The following BAZ1A variants were observed in gnomAD, a reference collection of about 807,000 sequenced individuals.
BAZ1A encodes the protein bromodomain adjacent to zinc finger domain 1A.
Under a neutral mutation model 185.2 loss-of-function variants are expected in BAZ1A, and 50 were observed. The ratio of observed to expected loss-of-function variants is 0.27; its 90% CI spans 0.22 to 0.34. The LOEUF is 0.34. Ranked by LOEUF, BAZ1A falls within the 10% of genes least tolerant of loss-of-function variation. The probability of loss-of-function intolerance (pLI) is 1.00; values close to 1 mark genes in which losing one functional copy is unlikely to be tolerated. For missense variants in BAZ1A, 1,356 were observed against 1,839.9 expected (o/e 0.74, Z 4.81); for synonymous variants, 571 against 615.6 (o/e 0.93, Z 1.07).
chr14:34,862,741 T>A lies in BAZ1A; in HGVS notation c.114-419A>T, dbSNP rs547183543. Among the ~76,000 whole-genome samples the A allele has an allele frequency of 2.6e-5, 4 of 151,052 alleles. No individual in the cohort carries two copies. In the South Asian group the frequency reaches 8.3e-4, roughly 31 times the overall value. Reference sequence around the variant, plus strand: ...AAATACCTATTTTCAGTTTGATCTCTCCTGTATTTTCTTGAAACTATATGA... The same window carrying A: ...AAATACCTATTTTCAGTTTGATCTCACCTGTATTTTCTTGAAACTATATGA... On this transcript the variant is annotated intron_variant, in intron 2 of 26. Transcript: ENST00000360310.
intron 25 of BAZ1A, among the ~76,000 whole-genome samples, chr14:34,757,732 C>G (rs1401944580): frequency 7.1e-6 from 1 of 141,150 alleles, no homozygotes; most frequent in Admixed American, 7.0e-5. Flanking sequence ...CTGTCTAACT[C>G]TATTGTTTTC....
At chr14:34,782,046 G>A (rs995100672) in intron 16 of BAZ1A, among the ~76,000 whole-genome samples, 3 of 152,148 alleles carry the variant, frequency 2.0e-5, no homozygotes, top group African/African-American at 7.2e-5. Flanking sequence ...ATTCTCTTAG[G>A]TATATATCTA....
intron 3 of BAZ1A, among the ~76,000 whole-genome samples, chr14:34,827,285 C>T (rs1046058261): frequency 6.6e-6 from 1 of 152,106 alleles, no homozygotes; most frequent in Non-Finnish European, 1.5e-5. Flanking sequence ...ATGTCTGTTA[C>T]GTCTAGTTGA....
rs1031183284 is a variant in BAZ1A at position 34,752,937 on chromosome 14, A to G, written c.*571T>C. 6.6e-6 allele frequency: 1 copy of G among 152,634 alleles called. No homozygotes were observed. The highest frequency in any genetic ancestry group is 6.5e-5 in the Admixed American group (1 of 15,274). The allele number at this position is 152,634 out of a possible 1,614,324, so 9.5% of individuals were successfully genotyped here. A position where few individuals can be genotyped will look rare whatever the true frequency, so the allele number is the denominator to read the frequency against. On this transcript the variant is annotated 3_prime_UTR_variant, in exon 27 of 27. Coordinates refer to ENST00000360310, the MANE Select transcript of BAZ1A (RefSeq NM_013448.3). ...TTTTTCAGGTATAAATTTTATAAAT[A>G]CAAAACAAATTCACAAATTACTCTC...
intron 3 of BAZ1A, among the ~76,000 whole-genome samples, chr14:34,861,381 C>T (rs2042766970): frequency 6.6e-6 from 1 of 151,850 alleles, no homozygotes; most frequent in South Asian, 2.1e-4. Flanking sequence ...CTGAAGAGCT[C>T]GGTGAAAGGG....
At chr14:34,829,870 C>G (rs887363616) in intron 3 of BAZ1A, among the ~76,000 whole-genome samples, 4 of 152,152 alleles carry the variant, frequency 2.6e-5, no homozygotes, top group Admixed American at 2.6e-4. Flanking sequence ...AGTGATTCCC[C>G]CAAAGTGCTA....
chr14:34,808,394 A>T (rs1489778662), intron 5 of BAZ1A, among the ~76,000 whole-genome samples: 1 of 151,966 alleles, frequency 6.6e-6, no homozygotes, highest in East Asian at 1.9e-4. Flanking sequence ...GCTACTCAGG[A>T]GGCTTAGGGT....
At chr14:34,763,424 A>T (rs867679472) in intron 23 of BAZ1A, among the ~76,000 whole-genome samples, 1,580 of 150,474 alleles carry the variant, frequency 0.011, 34 homozygotes, top group African/African-American at 0.032. Flanking sequence ...AAATGTTTAA[A>T]AAAAAAAAAA....
rs1886376885 is a variant in BAZ1A at position 34,758,684 on chromosome 14, T to C, written c.4386+20A>G. 1.2e-6 allele frequency: 2 copies of C among 1,611,830 alleles called. No homozygotes were observed. Among genetic ancestry groups the C allele is most frequent in the South Asian group, 2.2e-5 (2 of 90,884 alleles). ...ATCAGATAATATACAGGAATACATT[T>C]TATCAAGTCTAGTAATTACCTGGAT... On this transcript the variant is annotated intron_variant, in intron 25 of 26. Transcript: ENST00000360310.
chr14:34,809,073 A>G (rs890606560), intron 5 of BAZ1A, among the ~76,000 whole-genome samples: 1 of 152,192 alleles, frequency 6.6e-6, no homozygotes, highest in African/African-American at 2.4e-5. Flanking sequence ...TTTACACTTC[A>G]TTTACATTGT....
At chr14:34,772,873 C>G (rs1410528190) in intron 20 of BAZ1A, among the ~76,000 whole-genome samples, 2 of 152,118 alleles carry the variant, frequency 1.3e-5, no homozygotes, top group Non-Finnish European at 2.9e-5. Context: ...ACTAAAAATA[C>G]AAAAATTAGC....
chr14:34,864,829 T>A (rs1432750550), intron 2 of BAZ1A, among the ~76,000 whole-genome samples: 1 of 146,784 alleles, frequency 6.8e-6, no homozygotes, highest in Non-Finnish European at 1.5e-5. Flanking sequence ...CAGGCTGGAG[T>A]GTAGTGGCAT....
intron 4 of BAZ1A, among the ~76,000 whole-genome samples, chr14:34,822,076 C>T (rs1018058581): frequency 6.6e-6 from 1 of 152,124 alleles, no homozygotes; most frequent in African/African-American, 2.4e-5. Flanking sequence ...GGGTGTATCA[C>T]CTGAGGTCAG....
At chr14:34,779,864 T>G (rs1879923637) in intron 17 of BAZ1A, among the ~76,000 whole-genome samples, 1 of 152,144 alleles carries the variant, frequency 6.6e-6, no homozygotes, top group African/African-American at 2.4e-5. Flanking sequence ...AAGTAGTAAA[T>G]GTAAAAATTC....
chr14:34,795,347 T>A (rs1237953435), intron 10 of BAZ1A, among the ~76,000 whole-genome samples: 1 of 151,904 alleles, frequency 6.6e-6, no homozygotes. Flanking sequence ...ATTTGGACAC[T>A]TTGGCCATTT....
At chr14:34,798,146 G>A (rs545039223) in intron 9 of BAZ1A, among the ~76,000 whole-genome samples, 7 of 152,122 alleles carry the variant, frequency 4.6e-5, no homozygotes, top group South Asian at 2.2e-4. Flanking sequence ...GCTGAGGGGC[G>A]TGTCCGCCAT....
intron 4 of BAZ1A, among the ~76,000 whole-genome samples, chr14:34,819,610 A>C: frequency 6.6e-6 from 1 of 152,226 alleles, no homozygotes. Context: ...TTAATATCTA[A>C]TTTCTTTTTA....
intron 3 of BAZ1A, among the ~76,000 whole-genome samples, chr14:34,836,493 G>C (rs1213494925): frequency 6.6e-6 from 1 of 151,272 alleles, no homozygotes; most frequent in African/African-American, 2.5e-5. Flanking sequence ...AACAGCAAAG[G>C]GAAAGAAGAT....
intron 2 of BAZ1A, among the ~76,000 whole-genome samples, chr14:34,863,913 C>A (rs1394227534): frequency 2.0e-5 from 3 of 151,574 alleles, no homozygotes; most frequent in Admixed American, 2.0e-4. Context: ...GGTACAATCA[C>A]CTAGGATCAA....
Sources: allele counts gnomAD v4.1 joint callset (sites outside exome capture counted in the v4.1 genomes callset), GRCh38; gene constraint gnomAD v4.1.1; transcripts MANE v1.5; gene names NCBI Gene and HGNC (gene_info 2026-07-23, HGNC 2026-07-21).